SEMA5A: variants seen among roughly 807,000 people sequenced by gnomAD.
The protein encoded by SEMA5A is semaphorin 5A, also known as semaphorin-5A.
A neutral mutation model predicts 135.5 loss-of-function variants in SEMA5A; 55 were observed. The ratio of observed to expected loss-of-function variants is 0.41; its 90% CI spans 0.33 to 0.51. The LOEUF (loss-of-function observed/expected upper bound fraction) is 0.51. Ranked by LOEUF, SEMA5A falls within the 20% of genes least tolerant of loss-of-function variation. SEMA5A has a pLI of 0.37. For missense variants in SEMA5A, 1,290 were observed against 1,419.9 expected (o/e 0.91, Z 1.47); for synonymous variants, 580 against 546.5 (o/e 1.06, Z -0.85).
intron 1 of SEMA5A, among the ~76,000 whole-genome samples, chr5:9,523,661 G>A (rs1736959489): frequency 1.3e-5 from 2 of 152,166 alleles, no homozygotes; most frequent in Admixed American, 6.5e-5. Flanking sequence ...TGGTCTGGAG[G>A]AGGAGGCATA....
intron 10 of SEMA5A, among the ~76,000 whole-genome samples, chr5:9,196,743 T>C (rs1376718736): frequency 6.6e-6 from 1 of 152,290 alleles, no homozygotes; most frequent in South Asian, 2.1e-4. Context: ...CAACAGGGAA[T>C]CCCACCACAT....
intron 12 of SEMA5A, among the ~76,000 whole-genome samples, chr5:9,142,006 A>G (rs1017293541): frequency 3.3e-5 from 5 of 152,256 alleles, no homozygotes; most frequent in African/African-American, 1.2e-4. Flanking sequence ...AATTCAGCAC[A>G]TACTTACGAG....
At chr5:9,101,281 G>A (rs992652801) in intron 16 of SEMA5A, among the ~76,000 whole-genome samples, 4 of 152,178 alleles carry the variant, frequency 2.6e-5, no homozygotes, top group Admixed American at 2.6e-4. Context: ...TGTAGTGGGG[G>A]AAACAAGCAG....
intron 3 of SEMA5A, among the ~76,000 whole-genome samples, chr5:9,367,708 C>G (rs1455007832): frequency 1.3e-5 from 2 of 152,148 alleles, no homozygotes; most frequent in African/African-American, 4.8e-5. Context: ...CTGATATAGT[C>G]TGGTTGTTTC....
intron 1 of SEMA5A, among the ~76,000 whole-genome samples, chr5:9,454,772 T>C (rs1452663163): frequency 6.6e-6 from 1 of 152,210 alleles, no homozygotes; most frequent in Non-Finnish European, 1.5e-5. Flanking sequence ...CCACTACCTT[T>C]TGGAATGGAA....
chr5:9,051,763 A>C, intron 20 of SEMA5A, 110 bp downstream of exon 20: 1 of 1,335,358 alleles, frequency 7.5e-7, no homozygotes, highest in Non-Finnish European at 1.0e-6. Context: ...GCTTGATGGA[A>C]TCATCTCTAT....
At chr5:9,113,277 G>T (rs889861209) in intron 15 of SEMA5A, among the ~76,000 whole-genome samples, 1 of 152,208 alleles carries the variant, frequency 6.6e-6, no homozygotes, top group Non-Finnish European at 1.5e-5. Context: ...GAATGTGAAA[G>T]TGGCTTTGAG....
At chr5:9,068,414 G>C (rs1737590925) in intron 16 of SEMA5A, among the ~76,000 whole-genome samples, 1 of 152,176 alleles carries the variant, frequency 6.6e-6, no homozygotes, top group Non-Finnish European at 1.5e-5. Context: ...GCTGGAGGCT[G>C]AGCCATGGAG....
intron 2 of SEMA5A, among the ~76,000 whole-genome samples, chr5:9,419,338 T>C (rs974803172): frequency 6.6e-6 from 1 of 152,192 alleles, no homozygotes; most frequent in African/African-American, 2.4e-5. Flanking sequence ...AAAATGTATA[T>C]TCTGCGGTTG....
chr5:9,364,417 T>A (rs560125612), intron 3 of SEMA5A, among the ~76,000 whole-genome samples: 11 of 152,302 alleles, frequency 7.2e-5, no homozygotes, highest in African/African-American at 2.6e-4. Context: ...GAAATTCTTT[T>A]CATCTAATAT....
intron 5 of SEMA5A, among the ~76,000 whole-genome samples, chr5:9,276,918 T>C (rs1750293586): frequency 6.6e-6 from 1 of 152,122 alleles, no homozygotes; most frequent in Admixed American, 6.5e-5. Flanking sequence ...ACTTCATGAC[T>C]AAAACACCAA....
chr5:9,079,456 G>T (rs1217430174), intron 16 of SEMA5A, among the ~76,000 whole-genome samples: 1 of 152,054 alleles, frequency 6.6e-6, no homozygotes, highest in African/African-American at 2.4e-5. Context: ...ACAAGAGAAA[G>T]TAGGAAGGAT....
At chr5:9,467,097 G>C (rs183508840) in intron 1 of SEMA5A, among the ~76,000 whole-genome samples, 4 of 152,176 alleles carry the variant, frequency 2.6e-5, no homozygotes, top group Middle Eastern at 3.2e-3. Flanking sequence ...CAAGAACAGG[G>C]AGATGAGATG....
chr5:9,049,746 T>A (rs1299175581), intron 21 of SEMA5A, among the ~76,000 whole-genome samples: 5 of 152,168 alleles, frequency 3.3e-5, no homozygotes, highest in Non-Finnish European at 5.9e-5. Context: ...AACCTCTCCA[T>A]CCAGGCATGT....
chr5:9,467,225 G>T (rs1759295361), intron 1 of SEMA5A, among the ~76,000 whole-genome samples: 1 of 152,028 alleles, frequency 6.6e-6, no homozygotes, highest in Non-Finnish European at 1.5e-5. Flanking sequence ...CAATTCTCCT[G>T]CCTCAGCCTC....
chr5:9,413,733 CA>C (rs1757184951), intron 2 of SEMA5A, among the ~76,000 whole-genome samples: 1 of 152,134 alleles, frequency 6.6e-6, no homozygotes, highest in African/African-American at 2.4e-5. Context: ...CAAGTGGTAG[CA>C]GATATTATGT....
intron 8 of SEMA5A, among the ~76,000 whole-genome samples, chr5:9,208,346 C>G (rs1746162955): frequency 6.6e-6 from 1 of 152,150 alleles, no homozygotes; most frequent in Non-Finnish European, 1.5e-5. Context: ...CTGGAGCCGG[C>G]CAGAGTACTG....
chr5:9,090,763 A>T, intron 16 of SEMA5A, among the ~76,000 whole-genome samples: 1 of 152,320 alleles, frequency 6.6e-6, no homozygotes, highest in South Asian at 2.1e-4. Flanking sequence ...GCGATTTTCC[A>T]AGAGTCTCCA....
chr5:9,043,768 T>G (rs1160326024), intron 22 of SEMA5A, among the ~76,000 whole-genome samples: 1 of 152,180 alleles, frequency 6.6e-6, no homozygotes. Context: ...GAGAAACATT[T>G]CTGATTATCT....
Sources: allele counts gnomAD v4.1 joint callset (sites outside exome capture counted in the v4.1 genomes callset), GRCh38; gene constraint gnomAD v4.1.1; transcripts MANE v1.5; gene names NCBI Gene and HGNC (gene_info 2026-07-23, HGNC 2026-07-21).